SRPK2: variants seen among roughly 807,000 people sequenced by gnomAD.
SRPK2 encodes the protein SFRS protein kinase 2.
A neutral mutation model predicts 90.8 loss-of-function variants in SRPK2; 21 were observed. The ratio of observed to expected loss-of-function variants is 0.23; its 90% CI spans 0.16 to 0.33. SRPK2 has a LOEUF of 0.33. SRPK2 is among the 10% of genes least tolerant of loss of function. The pLI, the probability that SRPK2 is intolerant of heterozygous loss-of-function variation, is 1.00. For synonymous variants in SRPK2, 288 were observed against 311.1 expected, an observed-to-expected ratio of 0.93 and a Z score of 0.78; for missense variants, 620 against 869.0, an observed-to-expected ratio of 0.71 and a Z score of 3.60.
intron 2 of SRPK2, among the ~76,000 whole-genome samples, chr7:105,213,205 T>C (rs1797064256): frequency 6.6e-6 from 1 of 152,132 alleles, no homozygotes; most frequent in African/African-American, 2.4e-5. Context: ...CGACAGAGAA[T>C]AGAGCAGGTG....
At chr7:105,357,267 C>T (rs981295941) in intron 2 of SRPK2, among the ~76,000 whole-genome samples, 1 of 152,092 alleles carries the variant, frequency 6.6e-6, no homozygotes, top group Non-Finnish European at 1.5e-5. Context: ...TCTCGATCTC[C>T]TGACCTTGTG....
chr7:105,118,419 G>A (rs954586705), intron 15 of SRPK2, among the ~76,000 whole-genome samples: 61 of 152,056 alleles, frequency 4.0e-4, no homozygotes, highest in African/African-American at 1.5e-3. Flanking sequence ...TCATGTCTAC[G>A]CATTTGTTGT....
chr7:105,281,394 C>G (rs1340589463), intron 2 of SRPK2, among the ~76,000 whole-genome samples: 1 of 152,160 alleles, frequency 6.6e-6, no homozygotes, highest in Non-Finnish European at 1.5e-5. Context: ...CCACGCCTGG[C>G]CTCCTAACTT....
At chr7:105,352,205 T>A (rs904586259) in intron 2 of SRPK2, among the ~76,000 whole-genome samples, 44 of 152,210 alleles carry the variant, frequency 2.9e-4, no homozygotes, top group Non-Finnish European at 4.3e-4. Context: ...TTACTTAATT[T>A]GCATCTCTTC....
chr7:105,285,504 G>C (rs918511558), intron 2 of SRPK2, among the ~76,000 whole-genome samples: 7 of 151,886 alleles, frequency 4.6e-5, no homozygotes, highest in African/African-American at 1.7e-4. Flanking sequence ...TAAATTATAT[G>C]TGGTTTAGAT....
At chr7:105,306,802 A>G (rs1811197459) in intron 2 of SRPK2, among the ~76,000 whole-genome samples, 1 of 152,368 alleles carries the variant, frequency 6.6e-6, no homozygotes, top group South Asian at 2.1e-4. Context: ...ACACTATTAC[A>G]AGAACATTTT....
chr7:105,176,454 A>G (rs1240927072), intron 3 of SRPK2, among the ~76,000 whole-genome samples: 1 of 152,158 alleles, frequency 6.6e-6, no homozygotes, highest in Non-Finnish European at 1.5e-5. Flanking sequence ...TAACTAGTAC[A>G]GTCATGCAAA....
intron 2 of SRPK2, among the ~76,000 whole-genome samples, chr7:105,354,784 A>AC (rs1817600800): frequency 6.6e-6 from 1 of 152,314 alleles, no homozygotes; most frequent in East Asian, 1.9e-4. Context: ...AAAGTGCACA[A>AC]CTTAATGACT....
At chr7:105,343,741 G>A (rs1049693226) in intron 2 of SRPK2, among the ~76,000 whole-genome samples, 1 of 151,962 alleles carries the variant, frequency 6.6e-6, no homozygotes, top group African/African-American at 2.4e-5. Flanking sequence ...TTATCTCTTA[G>A]TTTACAATGT....
At chr7:105,135,345 G>A (rs1284806517) in intron 11 of SRPK2, among the ~76,000 whole-genome samples, 1 of 152,108 alleles carries the variant, frequency 6.6e-6, no homozygotes, top group Non-Finnish European at 1.5e-5. Context: ...CAGCATCTGG[G>A]CGCCTGGCCA....
chr7:105,169,792 C>T (rs78720805), intron 3 of SRPK2, among the ~76,000 whole-genome samples: 2,676 of 152,196 alleles, frequency 0.018, 81 homozygotes, highest in African/African-American at 0.061. Flanking sequence ...TCTAGCACAC[C>T]GTAATGATAA....
intron 2 of SRPK2, among the ~76,000 whole-genome samples, chr7:105,336,265 T>C (rs1460920185): frequency 6.6e-6 from 1 of 152,220 alleles, no homozygotes; most frequent in Non-Finnish European, 1.5e-5. Context: ...TAAACTACTA[T>C]GATAAATTCT....
intron 15 of SRPK2, among the ~76,000 whole-genome samples, chr7:105,118,735 T>C (rs904399317): frequency 3.9e-4 from 59 of 151,948 alleles, no homozygotes; most frequent in African/African-American, 1.1e-3. Flanking sequence ...CTGGGTAACA[T>C]AGACCAGACC....
chr7:105,384,013 G>A (rs765716036), intron 2 of SRPK2, among the ~76,000 whole-genome samples: 2 of 152,148 alleles, frequency 1.3e-5, no homozygotes, highest in Admixed American at 6.6e-5. Context: ...TTCTGGGGAA[G>A]TGAAAATGTT....
At chr7:105,393,150 CT>C (rs1244233365), upstream of SRPK2, among the ~76,000 whole-genome samples, 1 of 152,128 alleles carries the variant, frequency 6.6e-6, no homozygotes, top group Admixed American at 6.6e-5. Context: ...CCCGCCACCA[CT>C]CCCGGCTAAT....
intron 2 of SRPK2, among the ~76,000 whole-genome samples, chr7:105,347,743 G>C (rs754398501): frequency 5.9e-5 from 9 of 151,818 alleles, no homozygotes; most frequent in Middle Eastern, 3.2e-3. Context: ...TGTGGTCCCA[G>C]CTACTTGGAA....
chr7:105,203,533 C>T, intron 3 of SRPK2, 95 bp downstream of exon 3: 1 of 1,334,726 alleles, frequency 7.5e-7, no homozygotes, highest in Non-Finnish European at 9.8e-7. Context: ...AAGCAATTTG[C>T]ATCACTACCT....
At chr7:105,370,687 C>A (rs1280552767) in intron 2 of SRPK2, among the ~76,000 whole-genome samples, 1 of 147,874 alleles carries the variant, frequency 6.8e-6, no homozygotes, top group Non-Finnish European at 1.5e-5. Context: ...ACCATCTCGG[C>A]TCACTGCAAC....
chr7:105,384,788 A>C (rs1420791434), intron 2 of SRPK2, among the ~76,000 whole-genome samples: 5 of 151,408 alleles, frequency 3.3e-5, no homozygotes, highest in Non-Finnish European at 5.9e-5. Context: ...CTCCTCACAC[A>C]CTCAACGTCA....
Sources: gnomAD v4.1 joint callset for allele counts (sites outside exome capture counted in the v4.1 genomes callset) on GRCh38, gnomAD v4.1.1 for gene constraint, MANE v1.5 for transcripts, NCBI Gene and HGNC (gene_info 2026-07-23, HGNC 2026-07-21) for gene names.